ATOSA: variants seen among roughly 807,000 people sequenced by gnomAD.
The protein encoded by ATOSA is atos homolog A.
At chr15:52,669,465 A>G in the ATOSA span, among the ~76,000 whole-genome samples, 5 of 152,236 alleles carry the variant, frequency 3.3e-5, no homozygotes, top group African/African-American at 1.2e-4. Context: ...GAAATGGCCA[A>G]TGATCTCTCT....
At chr15:52,642,102 G>A in the ATOSA span, among the ~76,000 whole-genome samples, 1 of 152,138 alleles carries the variant, frequency 6.6e-6, no homozygotes, top group African/African-American at 2.4e-5. Context: ...CCTCTCTTTA[G>A]AAGATAAATT....
At chr15:52,613,972 G>A in the ATOSA span, 1 of 869,066 alleles carries the variant, frequency 1.2e-6, no homozygotes, top group Non-Finnish European at 1.9e-6. Context: ...AACATAGAGT[G>A]AAAATAATAA....
the ATOSA span, among the ~76,000 whole-genome samples, chr15:52,703,335 T>C: frequency 3.7e-4 from 56 of 152,302 alleles, no homozygotes; most frequent in African/African-American, 1.3e-3. Flanking sequence ...ATATAGTTTA[T>C]AGGATTTCAA....
the ATOSA span, chr15:52,587,063 GT>G: frequency 1.3e-6 from 2 of 1,592,314 alleles, no homozygotes; most frequent in Admixed American, 3.6e-5. Context: ...TACCAAAGTT[GT>G]TGCAGCAGCA....
At chr15:52,693,109 AACG>A in the ATOSA span, among the ~76,000 whole-genome samples, 1 of 152,136 alleles carries the variant, frequency 6.6e-6, no homozygotes, top group African/African-American at 2.4e-5. Context: ...GAGACATACA[AACG>A]GAAAGATTGA....
the ATOSA span, among the ~76,000 whole-genome samples, chr15:52,603,808 G>C: frequency 6.6e-6 from 1 of 152,152 alleles, no homozygotes; most frequent in African/African-American, 2.4e-5. Flanking sequence ...AAGGGTATAA[G>C]GATGGTTGCC....
At chr15:52,631,870 T>C in the ATOSA span, among the ~76,000 whole-genome samples, 2 of 152,190 alleles carry the variant, frequency 1.3e-5, no homozygotes, top group African/African-American at 4.8e-5. Flanking sequence ...CCCAAGTAGC[T>C]AGGACTACAG....
the ATOSA span, among the ~76,000 whole-genome samples, chr15:52,687,188 G>A: frequency 1.3e-5 from 2 of 152,300 alleles, no homozygotes; most frequent in South Asian, 2.1e-4. Context: ...GGTGGGTCAC[G>A]AGGTCAGGAG....
At chr15:52,681,258 A>C in the ATOSA span, among the ~76,000 whole-genome samples, 4 of 152,282 alleles carry the variant, frequency 2.6e-5, no homozygotes, top group East Asian at 7.7e-4. Context: ...TGTATTTCTG[A>C]CTCATTATTC....
At chr15:52,671,758 A>C in the ATOSA span, among the ~76,000 whole-genome samples, 1 of 151,916 alleles carries the variant, frequency 6.6e-6, no homozygotes, top group Non-Finnish European at 1.5e-5. Context: ...CTATAACAAA[A>C]GAACAACAAG....
chr15:52,652,026 C>G, the ATOSA span: 1 of 1,501,632 alleles, frequency 6.7e-7, no homozygotes, highest in Non-Finnish European at 8.8e-7. Context: ...GTGCTGATCC[C>G]GCTTCCCTCC....
At chr15:52,605,627 A>G in the ATOSA span, among the ~76,000 whole-genome samples, 1 of 152,188 alleles carries the variant, frequency 6.6e-6, no homozygotes, top group African/African-American at 2.4e-5. Context: ...ATGTTTACAC[A>G]CAATATATAT....
the ATOSA span, among the ~76,000 whole-genome samples, chr15:52,611,942 T>A: frequency 6.6e-6 from 1 of 152,176 alleles, no homozygotes; most frequent in African/African-American, 2.4e-5. Flanking sequence ...TAATAACGGA[T>A]CTATGCTTAG....
the ATOSA span, among the ~76,000 whole-genome samples, chr15:52,677,136 T>C: frequency 6.6e-6 from 1 of 152,164 alleles, no homozygotes. Flanking sequence ...TTAATATATA[T>C]AAATTTTAAA....
the ATOSA span, among the ~76,000 whole-genome samples, chr15:52,588,221 A>T: frequency 2.9e-4 from 44 of 152,340 alleles, no homozygotes; most frequent in East Asian, 8.3e-3. Context: ...TCTCCAGATT[A>T]TATCAATTTA....
the ATOSA span, among the ~76,000 whole-genome samples, chr15:52,668,128 T>C: frequency 3.9e-5 from 6 of 152,240 alleles, no homozygotes; most frequent in Non-Finnish European, 8.8e-5. Flanking sequence ...TATTGCAGTA[T>C]TATTCACAAT....
chr15:52,583,864 A>T, the ATOSA span, among the ~76,000 whole-genome samples: 3 of 152,244 alleles, frequency 2.0e-5, no homozygotes, highest in Admixed American at 2.0e-4. Context: ...GAGATGAAAG[A>T]ACTAATTAAA....
chr15:52,692,609 C>T, the ATOSA span, among the ~76,000 whole-genome samples: 40 of 152,278 alleles, frequency 2.6e-4, 1 homozygote, highest in East Asian at 5.8e-3. Context: ...CTGCTTTGGC[C>T]TCCCAAAGTG....
chr15:52,651,703 GAAGCTA>G, the ATOSA span, among the ~76,000 whole-genome samples: 1 of 152,104 alleles, frequency 6.6e-6, no homozygotes, highest in Non-Finnish European at 1.5e-5. Context: ...CAGGCTATAT[GAAGCTA>G]AAGAAAATTC....
Sources: gnomAD v4.1 joint callset for allele counts (sites outside exome capture counted in the v4.1 genomes callset) on GRCh38, gnomAD v4.1.1 for gene constraint, MANE v1.5 for transcripts, NCBI Gene and HGNC (gene_info 2026-07-23, HGNC 2026-07-21) for gene names.